Variants in DNAAF3 observed in about 807,000 individuals in gnomAD.
DNAAF3 encodes dynein axonemal assembly factor 3.
Under a neutral mutation model 50.9 loss-of-function variants are expected in DNAAF3, and 40 were observed. The ratio of observed to expected loss-of-function variants is 0.79; its 90% CI spans 0.61 to 1.02. The LOEUF is 1.02. Ranked by LOEUF, DNAAF3 falls within the 50% of genes least tolerant of loss-of-function variation. DNAAF3 has a pLI of 0.00. For synonymous variants in DNAAF3, 327 were observed against 322.8 expected (o/e 1.01, Z -0.14); for missense variants, 763 against 744.7 (o/e 1.02, Z -0.29).
chr19:55,161,771 T>C lies in DNAAF3; in HGVS notation c.535A>G (p.Lys179Glu). Residue 179 changes from lysine to glutamate, a missense_variant, in exon 6 of 12, where the codon AAA (lysine) becomes GAA (glutamate). Physicochemically the swap from Lys to Glu is moderately conservative, Grantham distance 56. Coordinates refer to ENST00000524407, the MANE Select transcript of DNAAF3 (RefSeq NM_001256715.2). The surrounding 1 kb of genome is among the most constrained non-coding windows in gnomAD (Gnocchi z 6.4). ...AVFRFWAGGE[K>E]GPQAFPMSRL... ...CTCATGGGGAACGCCTGGGGCCCTT[T>C]CTCGCCGCCAGCCCAGAAGCGGAAT... 1 of 1,507,578 alleles carries C rather than the reference T, an allele frequency of 6.6e-7. No homozygotes were observed. 93.4% of individuals were successfully genotyped at this position (1,507,578 alleles called of 1,614,324 possible).
chr19:55,165,731 A>T, intron 3 of DNAAF3, 127 bp downstream of exon 3: 3 of 1,485,138 alleles, frequency 2.0e-6, no homozygotes, highest in Non-Finnish European at 2.7e-6. Context: ...GTTCGCTCCC[A>T]GCTTCTGCCT....
chr19:55,164,824 C>T (rs1029302974), intron 4 of DNAAF3, among the ~76,000 whole-genome samples: 6 of 151,902 alleles, frequency 3.9e-5, no homozygotes, highest in African/African-American at 1.2e-4. Flanking sequence ...CACCCAGCCT[C>T]TCCTGGAATT....
rs866731630 is a variant in DNAAF3, at chr19:55,161,417, G to A, written c.665C>T (p.Ala222Val). The change falls in exon 7 of 12, where the codon GCT (alanine) becomes GTT (valine). Residue 222 changes from alanine to valine, a missense_variant and splice_region_variant. Coordinates refer to ENST00000524407, the MANE Select transcript of DNAAF3 (RefSeq NM_001256715.2). The surrounding 1 kb of genome is among the most constrained non-coding windows in gnomAD (Gnocchi z 6.4). ...DLRMKLHDRG[A>V]QVIHPQEFRR... is the part of the protein sequence containing the mutation. ...GAACTCCTGGGGGTGAATGACTTGA[G>A]CCTGGGGTGGGGGGCGGGAAGAAGG... is the stretch of plus-strand genomic sequence containing the variant. 3.2e-6 allele frequency: 2 copies of A among 626,610 alleles called. No homozygotes were observed. Among genetic ancestry groups the A allele is most frequent in the Non-Finnish European group, 2.7e-6 (1 of 368,678 alleles). The allele number at this position is 626,610 out of a possible 1,614,324, so 38.8% of individuals were successfully genotyped here. A position where few individuals can be genotyped will look rare whatever the true frequency, so the allele number is the denominator to read the frequency against.
chr19:55,161,284 G>A lies in DNAAF3; in HGVS notation c.789+9C>T. 6.2e-7 allele frequency: 1 copy of A among 1,608,724 alleles called. No homozygotes were observed. On this transcript the variant is annotated intron_variant, in intron 7 of 11. Coordinates refer to ENST00000524407, the MANE Select transcript of DNAAF3 (RefSeq NM_001256715.2). The surrounding 1 kb of genome is among the most constrained non-coding windows in gnomAD (Gnocchi z 6.4). ...CAGCAGTGGGCCAGGACAGGCAGTG[G>A]ACACGCACGTAGCTCAGGAGGCGAC...
intron 10 of DNAAF3, 22 bp from the exon 11 acceptor site, chr19:55,159,629 G>A (rs1404447635): frequency 6.2e-7 from 1 of 1,612,570 alleles, no homozygotes. Context: ...ACGGAGGACA[G>A]GCTGAGATTC....
At position 55,159,926 on chromosome 19, in the gene DNAAF3, CGGCCGTT is replaced by C; in HGVS notation, c.1129_1135del (p.Asn377AspfsTer29). On this transcript the variant is annotated frameshift_variant, in exon 10 of 12. Transcript: ENST00000524407. LOFTEE classifies it high-confidence loss of function. Reference sequence around the variant, plus strand: ...ACAGGCCACATAGAGGAGCTGGAATCGGCCGTTGTAGCAGCTCTTGTGGTGGAGAGTC... The same window carrying C: ...ACAGGCCACATAGAGGAGCTGGAATCGTAGCAGCTCTTGTGGTGGAGAGTC... 6.2e-7 allele frequency: 1 copy of C among 1,612,556 alleles called. No homozygotes were observed. The highest frequency in any genetic ancestry group is 8.5e-7 in the Non-Finnish European group (1 of 1,179,322).
chr19:55,166,629 G>T (rs768517701), upstream of DNAAF3: 1 of 1,613,752 alleles, frequency 6.2e-7, no homozygotes, highest in African/African-American at 1.3e-5. The surrounding 1 kb of genome is among the most constrained non-coding windows in gnomAD (Gnocchi z 4.0). Flanking sequence ...CCTTTTCGAG[G>T]AATCAAGCAA....
At chr19:55,165,566 T>G (rs2085924257) in intron 3 of DNAAF3, 103 bp from the exon 4 acceptor site, 32 of 1,153,684 alleles carry the variant, frequency 2.8e-5, no homozygotes, top group Non-Finnish European at 4.0e-5. Flanking sequence ...CACACCCGAG[T>G]TCTGTACACC....
At chr19:55,162,570 A>C in intron 4 of DNAAF3, 2 of 958,858 alleles carry the variant, frequency 2.1e-6, no homozygotes, top group Non-Finnish European at 2.6e-6. Flanking sequence ...TGGGCAACAG[A>C]GTGAGACTCC....
chr19:55,159,025 T>G lies in DNAAF3; in HGVS notation c.*37A>C, dbSNP rs1056626335. ...GCGGGTTCTCATCCTACAACCTGAC[T>G]TTGGAAGTTGGAGATAAGGGGTGTC... On this transcript the variant is annotated 3_prime_UTR_variant, in exon 12 of 12. Transcript: ENST00000524407. 27 of 1,532,842 alleles carry G rather than the reference T, an allele frequency of 1.8e-5. No individual in the cohort carries two copies. The highest frequency in any genetic ancestry group is 2.4e-5 in the Non-Finnish European group (27 of 1,142,666). 95.0% of individuals were successfully genotyped at this position (1,532,842 alleles called of 1,614,324 possible).
intron 4 of DNAAF3, among the ~76,000 whole-genome samples, chr19:55,163,730 T>G (rs986413287): frequency 6.6e-6 from 1 of 152,202 alleles, no homozygotes; most frequent in Admixed American, 6.5e-5. Flanking sequence ...GACATACAAA[T>G]AGTTTCATGT....
At chr19:55,164,035 T>G (rs1377605863) in intron 4 of DNAAF3, among the ~76,000 whole-genome samples, 1 of 152,166 alleles carries the variant, frequency 6.6e-6, no homozygotes, top group African/African-American at 2.4e-5. Flanking sequence ...TATTTGCAAG[T>G]GTGCGCCTCT....
In DNAAF3 at chr19:55,160,088, G is replaced by C. The variant is rs949421522; in HGVS notation, c.1049-75C>G. 8 of 908,714 alleles carry C rather than the reference G, an allele frequency of 8.8e-6. No homozygotes were observed. Among genetic ancestry groups the C allele is most frequent in the Admixed American group, 5.7e-5 (3 of 52,560 alleles). 56.3% of individuals were successfully genotyped at this position (908,714 alleles called of 1,614,324 possible). On this transcript the variant is annotated intron_variant, in intron 9 of 11. Coordinates refer to ENST00000524407, the MANE Select transcript of DNAAF3 (RefSeq NM_001256715.2). The surrounding 1 kb of genome is among the most constrained non-coding windows in gnomAD (Gnocchi z 4.7). ...GCGGAAAACCAGAGAGATACACAGAGCTGGGCAGAGCTGGGCAGGCACACA... is the reference window on the plus strand; with the variant it reads ...GCGGAAAACCAGAGAGATACACAGACCTGGGCAGAGCTGGGCAGGCACACA...
chr19:55,161,156 C>CA lies in DNAAF3; in HGVS notation c.820dup (p.Trp274LeufsTer123). 1 of 1,558,252 alleles carries CA rather than the reference C, an allele frequency of 6.4e-7. No homozygotes were observed. ...GAAGGGCCCCGTGGCGATGTCCCCC[C>CA]AGTACCCGCGCGCTGCCACGCGCTC... is the stretch of plus-strand genomic sequence containing the variant. On this transcript the variant is annotated frameshift_variant, in exon 8 of 12. Coordinates refer to ENST00000524407, the MANE Select transcript of DNAAF3 (RefSeq NM_001256715.2). LOFTEE classifies it high-confidence loss of function. This position sits in a 1 kb window ranked among gnomAD's most constrained non-coding sequence, Gnocchi z 6.4.
In DNAAF3 at chr19:55,160,690, TC is replaced by T. The variant is rs756430359; in HGVS notation, c.997del (p.Asp333ThrfsTer75). 1.4e-5 allele frequency: 22 copies of T among 1,613,292 alleles called. No individual in the cohort carries two copies. The highest frequency in any genetic ancestry group is 1.8e-5 in the Non-Finnish European group (21 of 1,179,902). ...CTCCGCGTGCTGCTGCTCCTCCAGG[TC>T]CCCCCCGGTGGCTCTCGCGCGCCCC... ...AWGRARATGG[D>X]LEEQQHAEGS... On this transcript the variant is annotated frameshift_variant, in exon 9 of 12. Coordinates refer to ENST00000524407, the MANE Select transcript of DNAAF3 (RefSeq NM_001256715.2). LOFTEE classifies it high-confidence loss of function. This position sits in a 1 kb window ranked among gnomAD's most constrained non-coding sequence, Gnocchi z 4.7.
chr19:55,165,835 C>CT (rs1437851268), intron 3 of DNAAF3, 23 bp downstream of exon 3: 1 of 1,611,342 alleles, frequency 6.2e-7, no homozygotes, highest in South Asian at 1.1e-5. Context: ...GGAATCTGGG[C>CT]TCTCATCTTC....
At chr19:55,164,576 G>C (rs1457112115) in intron 4 of DNAAF3, among the ~76,000 whole-genome samples, 1 of 151,880 alleles carries the variant, frequency 6.6e-6, no homozygotes, top group Non-Finnish European at 1.5e-5. Flanking sequence ...CCAGGCTGGA[G>C]TGCAGTGGTG....
chr19:55,166,404 G>C lies in DNAAF3; in HGVS notation c.10C>G (p.Pro4Ala), dbSNP rs993612649. ...CCGAAGCCGCTGCCGGAGCCGGCAG[G>C]TGTGGTCATCACCCTGCGGAAAAGA... MTT[P>A]AGSGSGFGSV... The change falls in exon 2 of 12, where the codon CCT (proline) becomes GCT (alanine). Residue 4 changes from proline (P) to alanine (A), a missense_variant. By Grantham distance (27) the Pro-to-Ala change is conservative (BLOSUM62 -1). Coordinates refer to ENST00000524407, the MANE Select transcript of DNAAF3 (RefSeq NM_001256715.2). This position sits in a 1 kb window ranked among gnomAD's most constrained non-coding sequence, Gnocchi z 4.0. 6.8e-6 allele frequency: 11 copies of C among 1,613,878 alleles called. No homozygotes were observed. The highest frequency in any genetic ancestry group is 1.3e-5 in the African/African-American group (1 of 75,046).
intron 4 of DNAAF3, among the ~76,000 whole-genome samples, chr19:55,164,201 C>G (rs1433224466): frequency 6.6e-6 from 1 of 152,136 alleles, no homozygotes; most frequent in East Asian, 1.9e-4. Context: ...TTTCTTGGGG[C>G]CGGGTGTGAT....
Sources: gnomAD v4.1 joint callset for allele counts (sites outside exome capture counted in the v4.1 genomes callset) on GRCh38, gnomAD v4.1.1 for gene constraint, Gnocchi (gnomAD v3.1) non-coding constraint, MANE v1.5 for transcripts, NCBI Gene and HGNC (gene_info 2026-07-23, HGNC 2026-07-21) for gene names.